PRH1: variants seen among roughly 807,000 people sequenced by gnomAD.
PRH1 encodes proline rich protein HaeIII subfamily 1.
A neutral mutation model predicts 7.9 loss-of-function variants in PRH1; 7 were observed. The ratio of observed to expected loss-of-function variants is 0.89; its 90% confidence interval spans 0.50 to 1.67. PRH1 has a LOEUF of 1.67. PRH1 is among the 40% of genes most tolerant of loss of function. PRH1 has a pLI of 0.00. For synonymous variants in PRH1, 45 were observed against 80.8 expected (o/e 0.56, Z 2.38); for missense variants, 109 against 223.6 (o/e 0.49, Z 3.27).
At chr12:10,989,059 C>T (rs957583845) in intron 1 of PRH1, among the ~76,000 whole-genome samples, 1 of 152,170 alleles carries the variant, frequency 6.6e-6, no homozygotes, top group Non-Finnish European at 1.5e-5. Context: ...CCACCCGCCT[C>T]GGCCTCCCAA....
At chr12:11,008,997 A>T (rs1206181876) in intron 1 of PRH1, among the ~76,000 whole-genome samples, 1 of 150,912 alleles carries the variant, frequency 6.6e-6, no homozygotes, top group Non-Finnish European at 1.5e-5. Context: ...TACTATTTGC[A>T]TATATCTTAT....
chr12:11,159,057 T>C, intron 1 of PRH1: 1 of 155,684 alleles, frequency 6.4e-6, no homozygotes, highest in East Asian at 1.8e-4. Flanking sequence ...CTGGAGTCCC[T>C]TGAGCCCAGA....
chr12:10,944,415 T>C (rs1950453139), intron 2 of PRH1, among the ~76,000 whole-genome samples: 1 of 152,218 alleles, frequency 6.6e-6, no homozygotes, highest in Non-Finnish European at 1.5e-5. Context: ...ACATTGATTT[T>C]GTATCCTGCA....
At chr12:11,102,629 T>C (rs1426573653) in intron 1 of PRH1, among the ~76,000 whole-genome samples, 2 of 152,146 alleles carry the variant, frequency 1.3e-5, no homozygotes, top group African/African-American at 2.4e-5. Context: ...GACACAGGCA[T>C]GGGCAAGGAC....
chr12:11,077,200 T>C lies in PRH1; in HGVS notation n.124-30012A>G, dbSNP rs568620790. 2.4e-4 allele frequency: 35 copies of C among 146,902 alleles called. 6 individuals are homozygous for C. The highest frequency in any genetic ancestry group is 9.8e-4 in the African/African-American group (35 of 35,890). 9.1% of individuals were successfully genotyped at this position (146,902 alleles called of 1,614,324 possible). A position where few individuals can be genotyped will look rare whatever the true frequency, so the allele number is the denominator to read the frequency against. On this transcript the variant is annotated intron_variant and non_coding_transcript_variant, in intron 1 of 4. Transcript: ENST00000541977. ...TATGTAAGACTTTTATAGATATCTATTCTGAAATTACTCAAATACATACAC... is the reference window on the plus strand; with the variant it reads ...TATGTAAGACTTTTATAGATATCTACTCTGAAATTACTCAAATACATACAC...
At chr12:10,979,085 C>T (rs1473283374) in intron 1 of PRH1, among the ~76,000 whole-genome samples, 1 of 152,040 alleles carries the variant, frequency 6.6e-6, no homozygotes, top group Non-Finnish European at 1.5e-5. Context: ...GAGCTACAGA[C>T]ACCAGGGCCC....
intron 2 of PRH1, among the ~76,000 whole-genome samples, chr12:10,967,117 A>T (rs1413603254): frequency 2.4e-5 from 2 of 84,746 alleles, no homozygotes; most frequent in Non-Finnish European, 5.4e-5. Flanking sequence ...TCCGTCTCAA[A>T]AAAAAAAAAA....
chr12:11,112,123 T>C (rs1011110984), intron 1 of PRH1, among the ~76,000 whole-genome samples: 8 of 152,146 alleles, frequency 5.3e-5, no homozygotes, highest in Non-Finnish European at 8.8e-5. Flanking sequence ...AATCCCTGAA[T>C]AGACCAATAA....
At chr12:11,170,280 C>T (rs1463966404) in intron 1 of PRH1, among the ~76,000 whole-genome samples, 1 of 152,344 alleles carries the variant, frequency 6.6e-6, no homozygotes, top group Non-Finnish European at 1.5e-5. Flanking sequence ...GGCGCTGTGG[C>T]TCACGCCTGT....
At chr12:10,895,822 C>G (rs1949636691) in intron 2 of PRH1, 1 of 152,190 alleles carries the variant, frequency 6.6e-6, no homozygotes. Context: ...TTCCCACAGT[C>G]CCCATTATGA....
intron 1 of PRH1, among the ~76,000 whole-genome samples, chr12:11,072,331 C>T (rs1944111352): frequency 6.6e-6 from 1 of 152,128 alleles, no homozygotes; most frequent in Admixed American, 6.5e-5. Context: ...AGATTTTTGA[C>T]TCATGTACAT....
intron 1 of PRH1, chr12:11,006,249 ACTG>A (rs35180697): frequency 0.3 from 46,094 of 151,652 alleles, 8,827 homozygotes; most frequent in East Asian, 0.74. Flanking sequence ...CATTTGTATA[ACTG>A]CTTTCCATTT....
intron 1 of PRH1, among the ~76,000 whole-genome samples, chr12:11,012,634 A>T (rs1376249): frequency 0.82 from 124,819 of 152,090 alleles, 51,595 homozygotes; most frequent in East Asian, 0.96. Flanking sequence ...GTAGTTCACT[A>T]CAGCTTTGTA....
chr12:10,967,396 C>T (rs1227900011), intron 2 of PRH1, among the ~76,000 whole-genome samples: 1 of 152,088 alleles, frequency 6.6e-6, no homozygotes, highest in African/African-American at 2.4e-5. Context: ...GTAAACACAG[C>T]AATGTATTAT....
chr12:11,147,043 GTTAA>G (rs1347329223), intron 1 of PRH1, among the ~76,000 whole-genome samples: 9 of 151,976 alleles, frequency 5.9e-5, no homozygotes, highest in Admixed American at 6.6e-5. Flanking sequence ...TCTCCGAACT[GTTAA>G]TTTTCTATAT....
chr12:11,050,739 C>T (rs184859114), upstream of PRH1, among the ~76,000 whole-genome samples: 1 of 152,398 alleles, frequency 6.6e-6, no homozygotes, highest in East Asian at 1.9e-4. Flanking sequence ...GGGTGACTAC[C>T]TGGAACTTGG....
chr12:11,091,131 T>C (rs1274592635), intron 1 of PRH1, among the ~76,000 whole-genome samples: 2,741 of 75,452 alleles, frequency 0.036, 843 homozygotes, highest in Middle Eastern at 0.057. Context: ...TATATATATA[T>C]ATATATATAT....
chr12:11,091,115 C>CACAT lies in PRH1; in HGVS notation n.124-43928_124-43927insATGT, dbSNP rs751016037. Among the ~76,000 whole-genome samples, 40 of 25,126 alleles carry CACAT rather than the reference C, an allele frequency of 1.6e-3. 7 individuals are homozygous for CACAT. The highest frequency in any genetic ancestry group is 2.7e-3 in the Admixed American group (4 of 1,468). The allele number at this position is 25,126 out of a possible 152,430, so 16.5% of individuals were successfully genotyped here. ...ACACAAATACACACACACACACACA[C>CACAT]ATATATATATATATATATATATATA... On this transcript the variant is annotated intron_variant and non_coding_transcript_variant, in intron 1 of 4. Coordinates refer to the PRH1 transcript ENST00000541977.
intron 2 of PRH1, chr12:10,908,436 A>G (rs769332137): frequency 1.2e-6 from 2 of 1,613,680 alleles, no homozygotes; most frequent in South Asian, 1.1e-5. Flanking sequence ...GGCCTGTCTT[A>G]ACTTAGCGTT....
Sources: gnomAD v4.1 joint callset for allele counts (sites outside exome capture counted in the v4.1 genomes callset) on GRCh38, gnomAD v4.1.1 for gene constraint, MANE v1.5 for transcripts, NCBI Gene and HGNC (gene_info 2026-07-23, HGNC 2026-07-21) for gene names.